Variants in UNC79 observed in about 807,000 individuals in gnomAD.
UNC79 encodes the protein protein unc-79 homolog.
Under a neutral mutation model 283.1 loss-of-function variants are expected in UNC79, and 37 were observed. The ratio of observed to expected loss-of-function variants is 0.13; its 90% confidence interval spans 0.10 to 0.17. The LOEUF (loss-of-function observed/expected upper bound fraction) is 0.17. UNC79 is among the 10% of genes least tolerant of loss of function. The pLI is 1.00. For synonymous variants in UNC79, 1,107 were observed against 1,200.2 expected (o/e 0.92, Z 1.61); for missense variants, 2,272 against 3,211.1 (o/e 0.71, Z 7.07).
intron 30 of UNC79, among the ~76,000 whole-genome samples, chr14:93,627,383 G>A (rs977962629): frequency 6.6e-5 from 10 of 152,116 alleles, no homozygotes; most frequent in Non-Finnish European, 8.8e-5. Flanking sequence ...GACCTATTGC[G>A]GAAATAATGC....
intron 1 of UNC79, among the ~76,000 whole-genome samples, chr14:93,351,933 G>A (rs1050134868): frequency 2.0e-5 from 3 of 152,128 alleles, no homozygotes; most frequent in South Asian, 2.1e-4. Context: ...AAGGCCTACC[G>A]ATTTAAATGT....
intron 5 of UNC79, among the ~76,000 whole-genome samples, chr14:93,490,469 C>T (rs560082030): frequency 6.6e-6 from 1 of 152,310 alleles, no homozygotes; most frequent in East Asian, 1.9e-4. Flanking sequence ...CTGGGCCTCT[C>T]TTTCAACACT....
At chr14:93,336,680 G>T (rs1323130308) in intron 1 of UNC79, among the ~76,000 whole-genome samples, 3 of 152,086 alleles carry the variant, frequency 2.0e-5, no homozygotes, top group African/African-American at 7.2e-5. Context: ...AATTAATAAA[G>T]GTTTTAGAAA....
intron 16 of UNC79, among the ~76,000 whole-genome samples, chr14:93,573,325 C>G (rs1172062813): frequency 6.6e-6 from 1 of 152,182 alleles, no homozygotes; most frequent in African/African-American, 2.4e-5. Flanking sequence ...CCCAGGTTCT[C>G]TGTGTGAATT....
intron 30 of UNC79, among the ~76,000 whole-genome samples, chr14:93,628,646 A>G (rs1244052975): frequency 6.6e-6 from 1 of 152,214 alleles, no homozygotes; most frequent in Non-Finnish European, 1.5e-5. Context: ...AGAGCTGGCA[A>G]ATGTCTGATG....
chr14:93,431,081 C>A (rs1195128923), intron 1 of UNC79, 30 bp downstream of exon 1: 2 of 696,526 alleles, frequency 2.9e-6, no homozygotes, highest in Non-Finnish European at 5.2e-6. Flanking sequence ...GCATTCCGGC[C>A]CGGCCTCGGC....
At chr14:93,610,892 T>C (rs2066256896) in intron 26 of UNC79, among the ~76,000 whole-genome samples, 1 of 152,212 alleles carries the variant, frequency 6.6e-6, no homozygotes, top group African/African-American at 2.4e-5. Context: ...ATTACAGATG[T>C]GAGCCACTTT....
intron 46 of UNC79, among the ~76,000 whole-genome samples, chr14:93,692,242 C>T (rs1398637343): frequency 2.0e-5 from 3 of 152,086 alleles, no homozygotes; most frequent in Admixed American, 6.5e-5. Context: ...CAAATGTTCT[C>T]ACCATAAAAA....
intron 22 of UNC79, 120 bp from the exon 23 acceptor site, chr14:93,593,560 C>T (rs1266433566): frequency 8.4e-7 from 1 of 1,186,752 alleles, no homozygotes; most frequent in East Asian, 2.4e-5. Flanking sequence ...AGTGTCATTT[C>T]ACCAAAAGCA....
intron 30 of UNC79, among the ~76,000 whole-genome samples, chr14:93,626,711 A>ATTGGTATCATTTTAAATT (rs2067597573): frequency 6.6e-6 from 1 of 152,070 alleles, no homozygotes; most frequent in African/African-American, 2.4e-5. Context: ...CATAATGTTG[A>ATTGGTATCATTTTAAATT]TTGGTATCAT....
chr14:93,479,172 T>TTTCCTTCCTTCCTTCCTTCCTTCC (rs140666949), intron 4 of UNC79, among the ~76,000 whole-genome samples: 6 of 120,560 alleles, frequency 5.0e-5, no homozygotes, highest in Non-Finnish European at 1.0e-4. Flanking sequence ...GATGAGGCTG[T>TTTCCTTCCTTCCTTCCTTCCTTCC]TTCCTTCCTT....
chr14:93,624,803 C>T (rs1426374271), intron 30 of UNC79, among the ~76,000 whole-genome samples: 1 of 152,084 alleles, frequency 6.6e-6, no homozygotes, highest in Non-Finnish European at 1.5e-5. Flanking sequence ...AGAGCATGAC[C>T]CAGGCGTCCC....
chr14:93,492,708 T>G (rs1057354569), intron 5 of UNC79, among the ~76,000 whole-genome samples: 1 of 152,200 alleles, frequency 6.6e-6, no homozygotes, highest in African/African-American at 2.4e-5. Flanking sequence ...GGAAGCTGTT[T>G]TAACAAAGGA....
intron 7 of UNC79, among the ~76,000 whole-genome samples, chr14:93,513,942 G>T (rs961261950): frequency 1.3e-5 from 2 of 152,132 alleles, no homozygotes; most frequent in African/African-American, 2.4e-5. Context: ...TGTAGTAAAA[G>T]CAGTGTTTAG....
intron 41 of UNC79, among the ~76,000 whole-genome samples, chr14:93,678,847 G>A (rs1398095276): frequency 6.6e-6 from 1 of 152,176 alleles, no homozygotes; most frequent in Non-Finnish European, 1.5e-5. Context: ...TGAAAAAGAG[G>A]CGTGGAGATA....
chr14:93,630,235 C>T (rs548431213), intron 30 of UNC79, among the ~76,000 whole-genome samples: 2 of 152,274 alleles, frequency 1.3e-5, no homozygotes, highest in African/African-American at 4.8e-5. Flanking sequence ...AGGAAACAGA[C>T]AATTAGATTA....
At chr14:93,654,605 A>T (rs928172507) in intron 37 of UNC79, among the ~76,000 whole-genome samples, 1 of 151,842 alleles carries the variant, frequency 6.6e-6, no homozygotes, top group African/African-American at 2.4e-5. Context: ...TTTAAATTTT[A>T]AAAATTAACA....
At chr14:93,570,930 T>C (rs1486651800) in intron 14 of UNC79, among the ~76,000 whole-genome samples, 3 of 152,246 alleles carry the variant, frequency 2.0e-5, no homozygotes, top group Non-Finnish European at 4.4e-5. Flanking sequence ...CTCAGTGTTA[T>C]TAGTGCTGGC....
chr14:93,538,803 C>T (rs1440200276), intron 12 of UNC79, among the ~76,000 whole-genome samples: 9 of 37,998 alleles, frequency 2.4e-4, no homozygotes, highest in African/African-American at 6.4e-4. Flanking sequence ...TATCACATGA[C>T]CAAAAAAAAA....
Sources: allele counts gnomAD v4.1 joint callset (sites outside exome capture counted in the v4.1 genomes callset), GRCh38; gene constraint gnomAD v4.1.1; transcripts MANE v1.5; gene names NCBI Gene and HGNC (gene_info 2026-07-23, HGNC 2026-07-21).